DPYSL5: variants seen among roughly 807,000 people sequenced by gnomAD.
The protein encoded by DPYSL5 is dihydropyrimidinase-related protein 5.
A neutral mutation model predicts 58.4 loss-of-function variants in DPYSL5; 9 were observed. The ratio of observed to expected loss-of-function variants is 0.15; its 90% CI spans 0.09 to 0.27. The LOEUF (loss-of-function observed/expected upper bound fraction) is 0.27. Ranked by LOEUF, DPYSL5 falls within the 10% of genes least tolerant of loss-of-function variation. The probability of loss-of-function intolerance (pLI) is 1.00; values close to 1 mark genes in which losing one functional copy is unlikely to be tolerated. For synonymous variants in DPYSL5, 293 were observed against 301.9 expected (o/e 0.97, Z 0.31); for missense variants, 499 against 770.6 (o/e 0.65, Z 4.17).
At position 26,848,165 on chromosome 2, in the gene DPYSL5, C is replaced by T. The variant is rs1239926302; in HGVS notation, c.-94C>T. 3 of 151,524 alleles carry T rather than the reference C, an allele frequency of 2.0e-5. No homozygotes were observed. The highest frequency in any genetic ancestry group is 4.4e-5 in the Non-Finnish European group (3 of 67,890). 9.4% of individuals were successfully genotyped at this position (151,524 alleles called of 1,614,324 possible). ...CCCCGAGCGAGCGCGCGTGCAGCCG[C>T]CGCCGCCCCGAGCACCCGCAGCTCC... On this transcript the variant is annotated 5_prime_UTR_variant, in exon 1 of 13. Transcript: ENST00000288699.
intron 2 of DPYSL5, among the ~76,000 whole-genome samples, chr2:26,923,921 A>C (rs1426813594): frequency 6.6e-6 from 1 of 152,150 alleles, no homozygotes; most frequent in East Asian, 1.9e-4. Context: ...CAGCCTCCCA[A>C]AGTACTAGGA....
At chr2:26,880,358 C>A (rs564613351) in intron 1 of DPYSL5, among the ~76,000 whole-genome samples, 9 of 152,332 alleles carry the variant, frequency 5.9e-5, no homozygotes, top group Admixed American at 3.9e-4. Flanking sequence ...CACTGCCCTC[C>A]CTGTCTCCAG....
At chr2:26,909,944 A>G (rs528499063) in intron 2 of DPYSL5, among the ~76,000 whole-genome samples, 25 of 152,340 alleles carry the variant, frequency 1.6e-4, no homozygotes, top group Non-Finnish European at 3.7e-4. Flanking sequence ...TTTGACATAT[A>G]CATACATCAA....
At chr2:26,869,550 C>T (rs949184121) in intron 1 of DPYSL5, among the ~76,000 whole-genome samples, 1 of 152,134 alleles carries the variant, frequency 6.6e-6, no homozygotes, top group Non-Finnish European at 1.5e-5. Flanking sequence ...CTTTCTGCGT[C>T]ATTCTTAGTG....
chr2:26,884,291 C>T (rs1471846947), intron 1 of DPYSL5, among the ~76,000 whole-genome samples: 1 of 152,166 alleles, frequency 6.6e-6, no homozygotes, highest in African/African-American at 2.4e-5. Flanking sequence ...TGTCCTTCTT[C>T]CAGGACCTGC....
intron 2 of DPYSL5, among the ~76,000 whole-genome samples, chr2:26,912,775 A>G (rs1396955720): frequency 6.6e-6 from 1 of 152,236 alleles, no homozygotes; most frequent in Non-Finnish European, 1.5e-5. Context: ...GGAGCTCCTC[A>G]TTTCATCATT....
chr2:26,927,927 T>C lies in DPYSL5; in HGVS notation c.601-328T>C, dbSNP rs1300479262. Among the ~76,000 whole-genome samples the C allele has an allele frequency of 6.6e-6, 1 of 152,208 alleles. No homozygotes were observed. Among genetic ancestry groups the C allele is most frequent in the East Asian group, 1.9e-4 (1 of 5,200 alleles). On this transcript the variant is annotated intron_variant, in intron 4 of 12. Coordinates refer to ENST00000288699, the MANE Select transcript of DPYSL5 (RefSeq NM_020134.4). This position sits in a 1 kb window ranked among gnomAD's most constrained non-coding sequence, Gnocchi z 4.3. ...TGGAAGCTAGAGCTTAGTCTCGATT[T>C]CCAGAGAGGGAATTCTGAGTTTGAA...
intron 6 of DPYSL5, among the ~76,000 whole-genome samples, chr2:26,932,107 GAAA>G (rs1665018002): frequency 2.0e-5 from 2 of 101,954 alleles, no homozygotes; most frequent in African/African-American, 7.4e-5. Context: ...GAGAAAGAAA[GAAA>G]AGAAAAAAGA....
chr2:26,881,162 C>T (rs1663550362), intron 1 of DPYSL5, among the ~76,000 whole-genome samples: 1 of 152,128 alleles, frequency 6.6e-6, no homozygotes, highest in Non-Finnish European at 1.5e-5. Flanking sequence ...CTGTGCTCAC[C>T]CTGCGGCCCA....
chr2:26,897,016 A>G (rs907276574), intron 1 of DPYSL5, among the ~76,000 whole-genome samples: 1 of 152,092 alleles, frequency 6.6e-6, no homozygotes, highest in Non-Finnish European at 1.5e-5. Context: ...AGCCTTTTGT[A>G]TATTGATCTT....
chr2:26,929,359 AGTAGTTGGAATT>A (rs1664914565), intron 5 of DPYSL5, among the ~76,000 whole-genome samples: 1 of 152,018 alleles, frequency 6.6e-6, no homozygotes, highest in Non-Finnish European at 1.5e-5. Context: ...CAGCCTCCCA[AGTAGTTGGAATT>A]ACAGGCATGC....
At chr2:26,880,143 G>A (rs2148123644) in intron 1 of DPYSL5, among the ~76,000 whole-genome samples, 1 of 152,316 alleles carries the variant, frequency 6.6e-6, no homozygotes, top group South Asian at 2.1e-4. Context: ...TCCTGCCTCA[G>A]CCTCCCCAAG....
In DPYSL5 at chr2:26,880,346, A is replaced by G. The variant is rs545866114; in HGVS notation, c.-4-18150A>G. ...GCACCCCCATGCCTGGCTTGGCATA[A>G]TCACTGCCCTCCCTGTCTCCAGTCA... On this transcript the variant is annotated intron_variant, in intron 1 of 12. Coordinates refer to ENST00000288699, the MANE Select transcript of DPYSL5 (RefSeq NM_020134.4). Among the ~76,000 whole-genome samples the G allele has an allele frequency of 3.9e-5, 6 of 152,304 alleles. 1 individual carries two copies. The South Asian group carries it at 1.2e-3, about 32-fold the overall frequency.
rs372533916 is a variant in DPYSL5 at position 26,923,591 on chromosome 2, G to GA, written c.262-1291dup. The stretch of plus-strand genomic sequence containing the variant: ...TAAGGACTCAAACCATTTCTCACCA[G>GA]AAAAAGAGTCACTTTGTCTTAGAGC... On this transcript the variant is annotated intron_variant, in intron 2 of 12. Coordinates refer to ENST00000288699, the MANE Select transcript of DPYSL5 (RefSeq NM_020134.4). Among the ~76,000 whole-genome samples, 555 of 152,246 alleles carry GA rather than the reference G, an allele frequency of 3.6e-3. 1 individual carries two copies. Among genetic ancestry groups the GA allele is most frequent in the African/African-American group, 0.013 (524 of 41,554 alleles).
At chr2:26,936,124 T>C (rs1187435084) in intron 8 of DPYSL5, among the ~76,000 whole-genome samples, 6 of 151,852 alleles carry the variant, frequency 4.0e-5, no homozygotes, top group African/African-American at 1.2e-4. Context: ...GAGGAGAGGG[T>C]ATGGAAGCCC....
intron 2 of DPYSL5, among the ~76,000 whole-genome samples, chr2:26,901,619 A>C (rs550726929): frequency 7.9e-5 from 12 of 152,256 alleles, no homozygotes; most frequent in African/African-American, 2.6e-4. Context: ...AGGTTGATTC[A>C]CTTTAAGCAT....
At chr2:26,930,972 T>TG (rs1416517659) in intron 5 of DPYSL5, among the ~76,000 whole-genome samples, 29 of 144,186 alleles carry the variant, frequency 2.0e-4, no homozygotes, top group African/African-American at 7.4e-4. Flanking sequence ...AGACTCCGTC[T>TG]GGGAAAAAAA....
intron 1 of DPYSL5, among the ~76,000 whole-genome samples, chr2:26,866,074 C>T (rs1378378679): frequency 2.0e-5 from 3 of 152,280 alleles, no homozygotes; most frequent in East Asian, 3.9e-4. Flanking sequence ...AGCATAGCCC[C>T]TAAATGAGAA....
chr2:26,927,438 T>C lies in DPYSL5; in HGVS notation c.600+6T>C. 2 of 1,613,342 alleles carry C rather than the reference T, an allele frequency of 1.2e-6. No individual in the cohort carries two copies. Among genetic ancestry groups the C allele is most frequent in the Non-Finnish European group, 1.7e-6 (2 of 1,179,656 alleles). ...ATGGGGAGCTTGTGGCCGAGGCAAG[T>C]CTGCAGCCAAGAATATTGGATGGAG... On this transcript the variant is annotated splice_donor_region_variant and intron_variant, in intron 4 of 12. Transcript: ENST00000288699. This position sits in a 1 kb window ranked among gnomAD's most constrained non-coding sequence, Gnocchi z 4.3.
Sources: gnomAD v4.1 joint callset for allele counts (sites outside exome capture counted in the v4.1 genomes callset) on GRCh38, gnomAD v4.1.1 for gene constraint, Gnocchi (gnomAD v3.1) non-coding constraint, MANE v1.5 for transcripts, NCBI Gene and HGNC (gene_info 2026-07-23, HGNC 2026-07-21) for gene names.